EML6: variants seen among roughly 807,000 people sequenced by gnomAD.
The protein encoded by EML6 is EMAP like 6, also known as echinoderm microtubule-associated protein-like 6.
In EML6, 154 loss-of-function variants were observed where a neutral mutation model predicts 240.1. The observed-to-expected ratio is 0.64, with a 90% CI of 0.56 to 0.73. The LOEUF (loss-of-function observed/expected upper bound fraction) is 0.73, where lower values mean the gene tolerates loss of function less well. EML6 is among the 30% of genes least tolerant of loss of function. EML6 has a pLI of 0.00. For missense variants in EML6, 2,964 were observed against 2,474.6 expected (o/e 1.20, Z -4.20); for synonymous variants, 1,148 against 899.0 (o/e 1.28, Z -4.95).
intron 9 of EML6, among the ~76,000 whole-genome samples, chr2:54,847,837 A>G (rs1669853175): frequency 6.6e-6 from 1 of 152,204 alleles, no homozygotes; most frequent in Admixed American, 6.5e-5. Context: ...AGTCTAACCC[A>G]ACAGACTGAT....
At chr2:54,923,915 T>A (rs1175072395) in intron 26 of EML6, among the ~76,000 whole-genome samples, 1 of 152,220 alleles carries the variant, frequency 6.6e-6, no homozygotes, top group Non-Finnish European at 1.5e-5. Context: ...CTTCTTTCAC[T>A]CAGAGATGTT....
intron 13 of EML6, among the ~76,000 whole-genome samples, chr2:54,864,490 C>G (rs1670859242): frequency 6.6e-6 from 1 of 152,222 alleles, no homozygotes; most frequent in African/African-American, 2.4e-5. Flanking sequence ...AGTGTTAAAG[C>G]AATCCCTCAG....
At chr2:54,918,892 C>T (rs1488996820) in intron 26 of EML6, among the ~76,000 whole-genome samples, 2 of 152,192 alleles carry the variant, frequency 1.3e-5, no homozygotes, top group East Asian at 3.8e-4. Context: ...GTTATCACTA[C>T]TTCTTTTTCC....
chr2:54,856,706 G>A (rs1402944691), intron 11 of EML6, among the ~76,000 whole-genome samples: 1 of 152,216 alleles, frequency 6.6e-6, no homozygotes, highest in Non-Finnish European at 1.5e-5. Flanking sequence ...AGGGTGACAG[G>A]GCTGTGTCGT....
chr2:54,877,785 T>G (rs1302459682), intron 16 of EML6, among the ~76,000 whole-genome samples: 12 of 152,266 alleles, frequency 7.9e-5, no homozygotes, highest in African/African-American at 2.9e-4. Flanking sequence ...GCCTAGTAGC[T>G]TGAAAGGGTC....
At chr2:54,891,012 T>G in intron 17 of EML6, 42 bp from the exon 18 acceptor site, 1 of 963,602 alleles carries the variant, frequency 1.0e-6, no homozygotes, top group Non-Finnish European at 1.5e-6. Context: ...TGTTACTGCT[T>G]CCATCCAAAC....
chr2:54,942,395 C>G (rs34948828), intron 28 of EML6, among the ~76,000 whole-genome samples: 8 of 152,260 alleles, frequency 5.3e-5, no homozygotes, highest in African/African-American at 9.6e-5. Context: ...AGAGTTGGGT[C>G]TGATTCTTTT....
At chr2:54,783,317 T>C (rs983318222) in intron 2 of EML6, among the ~76,000 whole-genome samples, 24 of 152,248 alleles carry the variant, frequency 1.6e-4, no homozygotes, top group African/African-American at 5.3e-4. Flanking sequence ...CTCTGTTATA[T>C]TGCAAGTAAA....
intron 2 of EML6, among the ~76,000 whole-genome samples, chr2:54,743,837 A>T (rs1200420668): frequency 6.6e-6 from 1 of 152,168 alleles, no homozygotes; most frequent in Admixed American, 6.6e-5. Context: ...TGTGAATGCA[A>T]TTTACATATA....
chr2:54,807,061 T>C (rs994603232), intron 2 of EML6, among the ~76,000 whole-genome samples: 5 of 152,238 alleles, frequency 3.3e-5, no homozygotes, highest in African/African-American at 1.2e-4. Context: ...AGTGTCATAC[T>C]TTTTATTCCA....
At chr2:54,851,585 C>T (rs1004181901) in intron 10 of EML6, among the ~76,000 whole-genome samples, 1 of 152,146 alleles carries the variant, frequency 6.6e-6, no homozygotes, top group Non-Finnish European at 1.5e-5. Context: ...CGAAGTATTT[C>T]ATAGTTTTTT....
chr2:54,909,263 T>G (rs1038902451), intron 24 of EML6, among the ~76,000 whole-genome samples: 1 of 152,262 alleles, frequency 6.6e-6, no homozygotes, highest in African/African-American at 2.4e-5. Context: ...TTTACAGATG[T>G]ATTTAGTTCA....
chr2:54,835,317 A>G (rs1482918657), intron 7 of EML6, among the ~76,000 whole-genome samples: 1 of 152,140 alleles, frequency 6.6e-6, no homozygotes, highest in East Asian at 1.9e-4. Flanking sequence ...CCTCCCACCC[A>G]CTTAGGACGT....
chr2:54,821,270 G>A (rs544573577), intron 5 of EML6, among the ~76,000 whole-genome samples: 11 of 151,984 alleles, frequency 7.2e-5, no homozygotes, highest in African/African-American at 2.2e-4. Flanking sequence ...AGTTTTTCAC[G>A]ATCCTTCCCA....
intron 2 of EML6, among the ~76,000 whole-genome samples, chr2:54,783,975 G>T (rs1489174999): frequency 6.6e-6 from 1 of 151,962 alleles, no homozygotes; most frequent in Non-Finnish European, 1.5e-5. Flanking sequence ...TTGAGATAAG[G>T]TCTTGTGGTA....
chr2:54,857,529 C>T (rs1453750599), intron 11 of EML6, among the ~76,000 whole-genome samples: 1 of 152,176 alleles, frequency 6.6e-6, no homozygotes, highest in Non-Finnish European at 1.5e-5. Flanking sequence ...TTTTGTTCTA[C>T]TGAAGGTCCA....
At chr2:54,866,737 T>C in intron 13 of EML6, 29 bp from the exon 14 acceptor site, 1 of 1,370,862 alleles carries the variant, frequency 7.3e-7, no homozygotes, top group Non-Finnish European at 1.0e-6. Flanking sequence ...GAAAGGCATC[T>C]CACCCAGATG....
intron 3 of EML6, among the ~76,000 whole-genome samples, chr2:54,814,248 G>T (rs111489828): frequency 7.2e-5 from 11 of 152,272 alleles, no homozygotes; most frequent in African/African-American, 2.6e-4. Flanking sequence ...TCTGGGCCCT[G>T]CCTCAGTCTG....
At chr2:54,784,102 C>T (rs113485435) in intron 2 of EML6, among the ~76,000 whole-genome samples, 14 of 152,096 alleles carry the variant, frequency 9.2e-5, no homozygotes, top group African/African-American at 3.4e-4. Flanking sequence ...ATGTGCTACT[C>T]ATGCCTAATT....
Sources: gnomAD v4.1 joint callset for allele counts (sites outside exome capture counted in the v4.1 genomes callset) on GRCh38, gnomAD v4.1.1 for gene constraint, MANE v1.5 for transcripts, NCBI Gene and HGNC (gene_info 2026-07-23, HGNC 2026-07-21) for gene names.